The following SYNE3 variants were observed in gnomAD, a reference collection of about 807,000 sequenced individuals.
The protein encoded by SYNE3 is nesprin-3.
Under a neutral mutation model 111.2 loss-of-function variants are expected in SYNE3, and 100 were observed. That is an observed-to-expected ratio of 0.90 (90% CI 0.77 to 1.06). SYNE3 has a LOEUF of 1.06. Ranked by LOEUF, SYNE3 falls within the 50% of genes least tolerant of loss-of-function variation. SYNE3 has a pLI of 0.00. For synonymous variants in SYNE3, 547 were observed against 533.9 expected (o/e 1.02, Z -0.34); for missense variants, 1,160 against 1,240.3 (o/e 0.94, Z 0.97).
chr14:95,494,772 G>A (rs776717673), intron 1 of SYNE3, among the ~76,000 whole-genome samples: 4 of 152,152 alleles, frequency 2.6e-5, no homozygotes, highest in African/African-American at 4.8e-5. Context: ...GTAAGGTGCC[G>A]TTTAACCCTA....
At position 95,512,255 on chromosome 14, in the gene SYNE3, G is replaced by A. The variant is rs985763333; in HGVS notation, c.-15+4341C>T. On this transcript the variant is annotated intron_variant, in intron 1 of 17. Transcript: ENST00000682763. Reference sequence around the variant, plus strand: ...CCAGATTAACATTGGAATCTGAGGAGAGAGGCAGATTTTCTAAGAAAGCAT... The same window carrying A: ...CCAGATTAACATTGGAATCTGAGGAAAGAGGCAGATTTTCTAAGAAAGCAT... Among the ~76,000 whole-genome samples the A allele has an allele frequency of 5.3e-5, 8 of 152,266 alleles. No individual in the cohort carries two copies. The East Asian group carries it at 1.5e-3, about 29-fold the overall frequency.
intron 1 of SYNE3, among the ~76,000 whole-genome samples, chr14:95,478,983 G>C (rs969378086): frequency 6.6e-6 from 1 of 152,018 alleles, no homozygotes; most frequent in African/African-American, 2.4e-5. Context: ...ACCTAGAATT[G>C]GTCCCAGTGG....
chr14:95,464,790 C>A (rs1051984178), intron 4 of SYNE3, among the ~76,000 whole-genome samples: 1 of 152,186 alleles, frequency 6.6e-6, no homozygotes, highest in Non-Finnish European at 1.5e-5. Flanking sequence ...GACAACACCC[C>A]CCAAGGAAAC....
At chr14:95,497,791 G>A (rs929778391) in intron 1 of SYNE3, among the ~76,000 whole-genome samples, 5 of 152,108 alleles carry the variant, frequency 3.3e-5, no homozygotes, top group Admixed American at 3.3e-4. Context: ...ACAAAAACAG[G>A]TGGCATTTGA....
intron 6 of SYNE3, 112 bp downstream of exon 6, chr14:95,455,265 A>G (rs1887341738): frequency 2.5e-6 from 2 of 808,428 alleles, no homozygotes; most frequent in South Asian, 6.0e-5. Flanking sequence ...GGAGAAACAG[A>G]GTGAGTGTGC....
At chr14:95,493,264 T>C (rs1889933012) in intron 1 of SYNE3, among the ~76,000 whole-genome samples, 2 of 152,212 alleles carry the variant, frequency 1.3e-5, no homozygotes, top group Admixed American at 1.3e-4. Context: ...TAGGTGCTAG[T>C]CAATATGCCC....
At chr14:95,460,367 GTTTTTTTTTT>G (rs548346693) in intron 4 of SYNE3, among the ~76,000 whole-genome samples, 1 of 85,238 alleles carries the variant, frequency 1.2e-5, no homozygotes, top group African/African-American at 4.6e-5. Context: ...ACGATGCCTA[GTTTTTTTTTT>G]TTTTTTTTTT....
chr14:95,503,210 G>A (rs563288649), intron 1 of SYNE3, among the ~76,000 whole-genome samples: 1 of 152,368 alleles, frequency 6.6e-6, no homozygotes, highest in African/African-American at 2.4e-5. Context: ...TTATTAGCCT[G>A]AGACCTTGGA....
rs949902294 is a variant in SYNE3, at chr14:95,500,093, C to T, written c.-15+16503G>A. ...CAGGCTGGTCTTGAACTCTTGACCT[C>T]AGGTGATCCACCCGCCTCGGCCTCC... On this transcript the variant is annotated intron_variant, in intron 1 of 17. Transcript: ENST00000682763. The surrounding 1 kb of genome is among the most constrained non-coding windows in gnomAD (Gnocchi z 4.7). 6.6e-6 allele frequency among the ~76,000 whole-genome samples: 1 copy of T among 152,062 alleles called. No homozygotes were observed. Among genetic ancestry groups the T allele is most frequent in the African/African-American group, 2.4e-5 (1 of 41,396 alleles).
chr14:95,475,324 G>T (rs551180629), intron 2 of SYNE3, among the ~76,000 whole-genome samples: 5 of 152,320 alleles, frequency 3.3e-5, no homozygotes, highest in Admixed American at 2.0e-4. Context: ...CAGAGAAGGG[G>T]TGGGAAGCCC....
intron 1 of SYNE3, among the ~76,000 whole-genome samples, chr14:95,478,670 C>T (rs1310817925): frequency 1.3e-5 from 2 of 152,204 alleles, no homozygotes; most frequent in Non-Finnish European, 2.9e-5. Flanking sequence ...GAGGTATACT[C>T]TTCCTGTAAA....
intron 2 of SYNE3, among the ~76,000 whole-genome samples, chr14:95,472,037 C>T (rs1306550784): frequency 6.6e-6 from 1 of 152,118 alleles, no homozygotes; most frequent in Non-Finnish European, 1.5e-5. Context: ...GCAAAAAGGG[C>T]CAGGAGAGAC....
chr14:95,508,796 C>A (rs1890618579), intron 1 of SYNE3, among the ~76,000 whole-genome samples: 2 of 152,228 alleles, frequency 1.3e-5, no homozygotes, highest in African/African-American at 2.4e-5. Flanking sequence ...AATGGAGAAT[C>A]TCCAAGAGGA....
In SYNE3 at chr14:95,423,658, G is replaced by A. The variant is rs1595173601; in HGVS notation, c.2728-5632C>T. The stretch of plus-strand genomic sequence containing the variant: ...TGGGGATGGGGTTTTGATGGGGATG[G>A]GGATTTGATGGGGATGGGGATTTGA... On this transcript the variant is annotated intron_variant, in intron 17 of 17. Transcript: ENST00000682763. 4.1e-4 allele frequency among the ~76,000 whole-genome samples: 30 copies of A among 73,988 alleles called. 2 individuals are homozygous for A. The highest frequency in any genetic ancestry group is 6.8e-4 in the Non-Finnish European group (22 of 32,342). 48.5% of individuals were successfully genotyped at this position (73,988 alleles called of 152,430 possible). A position where few individuals can be genotyped will look rare whatever the true frequency, so the allele number is the denominator to read the frequency against.
At chr14:95,438,992 G>C (rs767653566) in intron 14 of SYNE3, 41 bp downstream of exon 14, 4 of 1,610,828 alleles carry the variant, frequency 2.5e-6, no homozygotes, top group Non-Finnish European at 3.4e-6. Flanking sequence ...CTTGACCTGG[G>C]GCCTGGCCCC....
At chr14:95,434,228 C>T (rs752559334) in intron 15 of SYNE3, among the ~76,000 whole-genome samples, 2 of 151,930 alleles carry the variant, frequency 1.3e-5, no homozygotes, top group Non-Finnish European at 2.9e-5. Flanking sequence ...AAAGTATTAA[C>T]AAAAGAATGT....
At chr14:95,446,163 A>G in intron 8 of SYNE3, 72 bp from the exon 9 acceptor site, 18 of 1,561,030 alleles carry the variant, frequency 1.2e-5, no homozygotes, top group Non-Finnish European at 1.4e-5. Context: ...CAGGGGCACA[A>G]CTGTTCTGGC....
In SYNE3 at chr14:95,417,830, G is replaced by A. The variant is rs1903629572; in HGVS notation, c.2924C>T (p.Thr975Ile). The A allele has an allele frequency of 3.7e-6, 6 of 1,614,132 alleles. No individual in the cohort carries two copies. Among genetic ancestry groups the A allele is most frequent in the South Asian group, 1.1e-5 (1 of 91,086 alleles). ...LMLRYNGPPP[T>I] is the part of the protein sequence containing the mutation. ...TCACCTGTGTGCCCCAGTGGGTTAG[G>A]TGGGTGGTGGGCCATTGTAGCGCAG... The change falls in exon 18 of 18, where the codon ACC (threonine) becomes ATC (isoleucine). Residue 975 changes from threonine to isoleucine, a missense_variant. Transcript: ENST00000682763.
chr14:95,477,324 C>T (rs1469261370), intron 1 of SYNE3, among the ~76,000 whole-genome samples: 1 of 152,228 alleles, frequency 6.6e-6, no homozygotes, highest in Non-Finnish European at 1.5e-5. Flanking sequence ...CCTCTCTCTC[C>T]CTGGCATTGG....
Sources: allele counts gnomAD v4.1 joint callset (sites outside exome capture counted in the v4.1 genomes callset), GRCh38; gene constraint gnomAD v4.1.1; non-coding constraint Gnocchi (gnomAD v3.1); transcripts MANE v1.5; gene names NCBI Gene and HGNC (gene_info 2026-07-23, HGNC 2026-07-21).